TIMD4: variants seen among roughly 807,000 people sequenced by gnomAD.
TIMD4 encodes the protein T cell immunoglobulin and mucin domain containing 4.
TIMD4 carries 31 observed loss-of-function variants against 41.2 expected under a neutral mutation model. That is an observed-to-expected ratio of 0.75 (90% CI 0.57 to 1.01). The LOEUF is 1.01. Ranked by LOEUF, TIMD4 falls within the 50% of genes least tolerant of loss-of-function variation. The pLI, the probability that TIMD4 is intolerant of heterozygous loss-of-function variation, is 0.00. For missense variants in TIMD4, 479 were observed against 472.5 expected (o/e 1.01, Z -0.13); for synonymous variants, 204 against 177.1 (o/e 1.15, Z -1.21).
rs116140558 is a variant in TIMD4, at chr5:156,938,044, T to C, written c.844+10372A>G. On this transcript the variant is annotated intron_variant, in intron 5 of 8. Coordinates refer to ENST00000274532, the MANE Select transcript of TIMD4 (RefSeq NM_138379.3). ...AACTTGCACTGAGAATGGCAATTCC[T>C]CCTACAACTTTTCCATGCCCTTGAT... Among the ~76,000 whole-genome samples, 602 of 152,336 alleles carry C rather than the reference T, an allele frequency of 4.0e-3. 7 individuals carry two copies. The highest frequency in any genetic ancestry group is 0.013 in the African/African-American group (531 of 41,574).
At position 156,936,761 on chromosome 5, in the gene TIMD4, C is replaced by CA. The variant is rs1181412778; in HGVS notation, c.845-10450dup. Among the ~76,000 whole-genome samples, 561 of 126,820 alleles carry CA rather than the reference C, an allele frequency of 4.4e-3. 1 individual carries two copies. Among genetic ancestry groups the CA allele is most frequent in the African/African-American group, 0.012 (427 of 34,250 alleles). The allele number at this position is 126,820 out of a possible 152,430, so 83.2% of individuals were successfully genotyped here. On this transcript the variant is annotated intron_variant, in intron 5 of 8. Transcript: ENST00000274532. ...GTGAAACCCCGTCTCTACAAAAGTA[C>CA]AAAAAAAAAAAGAAAAAAAAATTAG...
chr5:156,957,499 C>A (rs1372523963), intron 1 of TIMD4, among the ~76,000 whole-genome samples: 4 of 70,072 alleles, frequency 5.7e-5, no homozygotes, highest in Non-Finnish European at 1.1e-4. Context: ...GGTGACAGAG[C>A]GAGAGTCTAT....
chr5:156,951,694 G>A lies in TIMD4; in HGVS notation c.497C>T (p.Ala166Val). Residue 166 changes from alanine (A) to valine (V), a missense_variant, in exon 3 of 9, where the codon GCA becomes GTA. Ala to Val is a moderately conservative substitution (Grantham distance 64). Coordinates refer to ENST00000274532, the MANE Select transcript of TIMD4 (RefSeq NM_138379.3). ...TTRQMTTTPA[A>V]LPTTVVTTPD... ...TGTGGTCACGACTGTTGTTGGAAGTGCAGCTGGGGTTGTTGTCATTTGTCG... is the reference window on the plus strand; with the variant it reads ...TGTGGTCACGACTGTTGTTGGAAGTACAGCTGGGGTTGTTGTCATTTGTCG... 1 of 1,614,144 alleles carries A rather than the reference G, an allele frequency of 6.2e-7. No individual in the cohort carries two copies. The highest frequency in any genetic ancestry group is 1.1e-5 in the South Asian group (1 of 91,078).
intron 5 of TIMD4, among the ~76,000 whole-genome samples, chr5:156,944,328 G>C (rs1162909948): frequency 6.6e-6 from 1 of 152,092 alleles, no homozygotes; most frequent in Non-Finnish European, 1.5e-5. Flanking sequence ...CCAGAAAAAT[G>C]TGTGTGCACA....
chr5:156,933,893 C>T lies in TIMD4; in HGVS notation c.845-7581G>A, dbSNP rs143855219. On this transcript the variant is annotated intron_variant, in intron 5 of 8. Coordinates refer to ENST00000274532, the MANE Select transcript of TIMD4 (RefSeq NM_138379.3). ...CCCTTTACGGAAAAAGTTTGCAGAT[C>T]CCTATTGGTCTACTGGTGCAAAAAC... Among the ~76,000 whole-genome samples, 1,154 of 152,190 alleles carry T rather than the reference C, an allele frequency of 7.6e-3. 11 individuals carry two copies. Among genetic ancestry groups the T allele is most frequent in the Middle Eastern group, 0.031 (9 of 294 alleles).
chr5:156,944,225 T>C (rs1310085307), intron 5 of TIMD4, among the ~76,000 whole-genome samples: 6 of 152,200 alleles, frequency 3.9e-5, no homozygotes, highest in Non-Finnish European at 5.9e-5. Flanking sequence ...GTTTTATCTG[T>C]TTGTGCTTGT....
chr5:156,947,975 C>T (rs1464460674), intron 5 of TIMD4, among the ~76,000 whole-genome samples: 2 of 152,148 alleles, frequency 1.3e-5, no homozygotes, highest in African/African-American at 4.8e-5. Context: ...ACTATCATTC[C>T]TGGCATAAGG....
intron 4 of TIMD4, among the ~76,000 whole-genome samples, chr5:156,949,071 T>A (rs1477577459): frequency 6.6e-6 from 1 of 151,944 alleles, no homozygotes. Flanking sequence ...GAACTGGGAG[T>A]CAACCCCAAG....
Position 156,951,765 on chromosome 5 carries a change from T to C in TIMD4, c.426A>G (p.Ala142=). The C allele has an allele frequency of 6.2e-7, 1 of 1,614,042 alleles. No individual in the cohort carries two copies. Among genetic ancestry groups the C allele is most frequent in the Non-Finnish European group, 8.5e-7 (1 of 1,180,010 alleles). The stretch of plus-strand genomic sequence containing the variant: ...TTGTTGTTCTGCGTGTGGTGGTGGT[T>C]GCTGTTCTGTGCGTGGTTGTTGAGG... ...QRASTTTHRT[A]TTTTRRTTTT... is the part of the protein sequence containing the mutation. The change falls in exon 3 of 9, where the codon GCA becomes GCG. Residue 142 remains alanine (A), a synonymous_variant. Coordinates refer to ENST00000274532, the MANE Select transcript of TIMD4 (RefSeq NM_138379.3).
In TIMD4 at chr5:156,943,057, C is replaced by T. The variant is rs116840026; in HGVS notation, c.844+5359G>A. On this transcript the variant is annotated intron_variant, in intron 5 of 8. Transcript: ENST00000274532. ...GATTTTGTCACTCCTCAGCTGTTTC[C>T]CTAGTGTGATTAGTAGTTTAAAAAA... 9.9e-3 allele frequency among the ~76,000 whole-genome samples: 1,505 copies of T among 152,032 alleles called. 17 individuals are homozygous for T. The highest frequency in any genetic ancestry group is 0.016 in the Admixed American group (250 of 15,256).
intron 1 of TIMD4, among the ~76,000 whole-genome samples, chr5:156,956,375 T>C (rs1159820855): frequency 6.6e-6 from 1 of 152,244 alleles, no homozygotes. Flanking sequence ...CATCAGCTAC[T>C]TGAGATGGAA....
intron 5 of TIMD4, among the ~76,000 whole-genome samples, chr5:156,940,855 G>A (rs1297026618): frequency 6.6e-6 from 1 of 152,288 alleles, no homozygotes; most frequent in Non-Finnish European, 1.5e-5. Context: ...GATGACGATG[G>A]CGGTTTTGTT....
intron 5 of TIMD4, among the ~76,000 whole-genome samples, chr5:156,935,337 T>C (rs935194870): frequency 6.6e-6 from 1 of 152,192 alleles, no homozygotes; most frequent in Non-Finnish European, 1.5e-5. Flanking sequence ...GCAGCACTAA[T>C]ACAAATCCGG....
intron 7 of TIMD4, 125 bp downstream of exon 7, chr5:156,921,974 G>A: frequency 3.0e-6 from 2 of 673,268 alleles, no homozygotes; most frequent in South Asian, 2.3e-5. Context: ...TGGCTGGGAT[G>A]GGAACAATGG....
At chr5:156,924,462 G>A (rs1759309322) in intron 6 of TIMD4, 1 of 492,640 alleles carries the variant, frequency 2.0e-6, no homozygotes, top group Non-Finnish European at 4.1e-6. Flanking sequence ...AGGACTGGGT[G>A]TTATTGGTTT....
chr5:156,961,808 C>CAAAAAAAAAAGAAAAAAAAAAAAAAA (rs1753059022), intron 1 of TIMD4, among the ~76,000 whole-genome samples: 1 of 27,962 alleles, frequency 3.6e-5, no homozygotes. Context: ...GACTCCGTCT[C>CAAAAAAAAAAGAAAAAAAAAAAAAAA]AAAAAAAAAA....
chr5:156,928,110 C>T (rs1335820987), intron 5 of TIMD4, among the ~76,000 whole-genome samples: 2 of 152,106 alleles, frequency 1.3e-5, no homozygotes, highest in Non-Finnish European at 2.9e-5. Context: ...TCAAGACCAT[C>T]CTGGCCAATA....
Position 156,957,512 on chromosome 5 carries a change from CA to C in TIMD4, c.59-2757del, listed in dbSNP as rs3068101. Among the ~76,000 whole-genome samples the C allele has an allele frequency of 6.6e-4, 75 of 113,780 alleles. 1 individual carries two copies. The highest frequency in any genetic ancestry group is 1.3e-3 in the African/African-American group (36 of 28,676). The allele number at this position is 113,780 out of a possible 152,430, so 74.6% of individuals were successfully genotyped here. On this transcript the variant is annotated intron_variant, in intron 1 of 8. Transcript: ENST00000274532. The stretch of plus-strand genomic sequence containing the variant: ...TGGGTGACAGAGCGAGAGTCTATCT[CA>C]AAAAAAAAAAAGAAAAAAGAAAAAG...
intron 6 of TIMD4, among the ~76,000 whole-genome samples, chr5:156,923,882 C>T (rs985810555): frequency 1.3e-5 from 2 of 151,766 alleles, no homozygotes; most frequent in African/African-American, 2.4e-5. Flanking sequence ...CTGTTGCCTA[C>T]GTTGTAGTGC....
Sources: allele counts gnomAD v4.1 joint callset (sites outside exome capture counted in the v4.1 genomes callset), GRCh38; gene constraint gnomAD v4.1.1; transcripts MANE v1.5; gene names NCBI Gene and HGNC (gene_info 2026-07-23, HGNC 2026-07-21).